Variants in PAX5 observed in about 807,000 individuals in gnomAD.
PAX5 encodes the protein paired box 5.
A neutral mutation model predicts 43.7 loss-of-function variants in PAX5; 9 were observed. The observed-to-expected ratio is 0.21, with a 90% CI of 0.12 to 0.36. The LOEUF is 0.36. Ranked by LOEUF, PAX5 falls within the 10% of genes least tolerant of loss-of-function variation. The pLI is 1.00. For synonymous variants in PAX5, 228 were observed against 214.3 expected, an observed-to-expected ratio of 1.06 and a Z score of -0.56; for missense variants, 383 against 532.7, an observed-to-expected ratio of 0.72 and a Z score of 2.77.
intron 8 of PAX5, 42 bp downstream of exon 8, chr9:36,881,962 C>A (rs1376621826): frequency 6.8e-7 from 1 of 1,479,100 alleles, no homozygotes; most frequent in Non-Finnish European, 9.3e-7. Context: ...ACCGAAACCC[C>A]GTCCGCTGCC....
intron 3 of PAX5, among the ~76,000 whole-genome samples, chr9:37,014,289 C>T (rs1355719205): frequency 6.6e-6 from 1 of 152,226 alleles, no homozygotes; most frequent in African/African-American, 2.4e-5. Flanking sequence ...CTGTGCATGA[C>T]TCCCAGGGTG....
intron 6 of PAX5, among the ~76,000 whole-genome samples, chr9:36,944,920 G>A (rs1011015973): frequency 6.6e-6 from 1 of 152,244 alleles, no homozygotes. Flanking sequence ...GTTAAACACA[G>A]ACCGAGCTGG....
intron 7 of PAX5, among the ~76,000 whole-genome samples, chr9:36,890,743 T>C (rs1827309174): frequency 6.6e-6 from 1 of 152,156 alleles, no homozygotes; most frequent in Non-Finnish European, 1.5e-5. Context: ...GCCCACAGCA[T>C]CAGACTTCCT....
At chr9:36,961,906 G>A (rs1834011377) in intron 6 of PAX5, among the ~76,000 whole-genome samples, 1 of 152,188 alleles carries the variant, frequency 6.6e-6, no homozygotes, top group African/African-American at 2.4e-5. Flanking sequence ...CACTCCATAT[G>A]TAGGGAAAAC....
At chr9:36,875,104 C>T (rs955278733) in intron 8 of PAX5, among the ~76,000 whole-genome samples, 4 of 152,158 alleles carry the variant, frequency 2.6e-5, no homozygotes, top group African/African-American at 9.7e-5. Flanking sequence ...TGCTCTTAAC[C>T]ACCCAGCCTC....
At chr9:36,871,523 T>G (rs981395103) in intron 8 of PAX5, among the ~76,000 whole-genome samples, 1 of 152,224 alleles carries the variant, frequency 6.6e-6, no homozygotes, top group Non-Finnish European at 1.5e-5. Context: ...CGCAAATGCT[T>G]CAGTTTCTTC....
chr9:37,010,739 G>C (rs758695587), intron 3 of PAX5, among the ~76,000 whole-genome samples: 7 of 152,156 alleles, frequency 4.6e-5, no homozygotes, highest in Non-Finnish European at 1.0e-4. Context: ...TGATCAAACT[G>C]CCATCAGTGC....
intron 3 of PAX5, among the ~76,000 whole-genome samples, chr9:37,008,844 G>T (rs1358371209): frequency 6.6e-6 from 1 of 152,210 alleles, no homozygotes; most frequent in African/African-American, 2.4e-5. Flanking sequence ...TTTGGGAGAA[G>T]AGTGGGTCAT....
chr9:37,009,651 A>G, intron 3 of PAX5, among the ~76,000 whole-genome samples: 1 of 152,214 alleles, frequency 6.6e-6, no homozygotes, highest in East Asian at 1.9e-4. Context: ...GTAATAATTT[A>G]ACTGTACATT....
intron 5 of PAX5, among the ~76,000 whole-genome samples, chr9:37,001,166 C>T (rs1203056491): frequency 3.3e-5 from 5 of 152,234 alleles, no homozygotes. Context: ...GCTGGTCAGA[C>T]TGCAAGCCAA....
chr9:36,897,886 G>A (rs10814469), intron 7 of PAX5, among the ~76,000 whole-genome samples: 66,284 of 152,152 alleles, frequency 0.44, 17,433 homozygotes, highest in Non-Finnish European at 0.58. Context: ...AAAGTCAGCC[G>A]TGTCCCTGGA....
chr9:36,892,089 G>A (rs1390886714), intron 7 of PAX5, among the ~76,000 whole-genome samples: 1 of 152,210 alleles, frequency 6.6e-6, no homozygotes, highest in Non-Finnish European at 1.5e-5. Context: ...ACCAGCAACT[G>A]TTGAGCCAAC....
At chr9:36,983,462 CT>C (rs1238209790) in intron 5 of PAX5, among the ~76,000 whole-genome samples, 4 of 152,172 alleles carry the variant, frequency 2.6e-5, no homozygotes, top group African/African-American at 9.7e-5. Context: ...TATGATTTTA[CT>C]TTTCTTTCCC....
chr9:37,013,037 C>T (rs1360823658), intron 3 of PAX5, among the ~76,000 whole-genome samples: 4 of 152,036 alleles, frequency 2.6e-5, no homozygotes, highest in African/African-American at 4.8e-5. Context: ...ATTGCTTGAG[C>T]CCAGGAGTTC....
At chr9:37,016,408 G>A (rs957961583) in intron 2 of PAX5, among the ~76,000 whole-genome samples, 4 of 152,120 alleles carry the variant, frequency 2.6e-5, no homozygotes, top group Non-Finnish European at 4.4e-5. Context: ...CACAAGTCAC[G>A]GCAACTCTTC....
At chr9:36,888,272 C>T (rs1301855043) in intron 7 of PAX5, among the ~76,000 whole-genome samples, 1 of 152,110 alleles carries the variant, frequency 6.6e-6, no homozygotes, top group African/African-American at 2.4e-5. Context: ...AGGTGTACAC[C>T]CCAGAGAAAT....
At chr9:36,851,984 T>C (rs1331623599) in intron 8 of PAX5, among the ~76,000 whole-genome samples, 2 of 152,234 alleles carry the variant, frequency 1.3e-5, no homozygotes, top group Non-Finnish European at 2.9e-5. Flanking sequence ...AGGCCGGCTC[T>C]TCCTCTTCCA....
chr9:36,843,091 T>C (rs3860997), intron 9 of PAX5, among the ~76,000 whole-genome samples: 2,666 of 151,802 alleles, frequency 0.018, 65 homozygotes, highest in African/African-American at 0.059. Context: ...TGTGTGTGTG[T>C]GCGTGTGTGT....
At chr9:37,004,976 A>C (rs1838263632) in intron 4 of PAX5, among the ~76,000 whole-genome samples, 1 of 152,232 alleles carries the variant, frequency 6.6e-6, no homozygotes, top group South Asian at 2.1e-4. Flanking sequence ...ATGTAGTTTA[A>C]TTTAAAAATT....
Sources: allele counts gnomAD v4.1 joint callset (sites outside exome capture counted in the v4.1 genomes callset), GRCh38; gene constraint gnomAD v4.1.1; transcripts MANE v1.5; gene names NCBI Gene and HGNC (gene_info 2026-07-23, HGNC 2026-07-21).